DIAPH3: variants seen among roughly 807,000 people sequenced by gnomAD.
The protein encoded by DIAPH3 is protein diaphanous homolog 3.
Under a neutral mutation model 144.3 loss-of-function variants are expected in DIAPH3, and 117 were observed. The ratio of observed to expected loss-of-function variants is 0.81; its 90% CI spans 0.70 to 0.95. The LOEUF (loss-of-function observed/expected upper bound fraction) is 0.95. Ranked by LOEUF, DIAPH3 falls within the 40% of genes least tolerant of loss-of-function variation. The probability of loss-of-function intolerance (pLI) is 0.00; values close to 1 mark genes in which losing one functional copy is unlikely to be tolerated. For missense variants in DIAPH3, 1,421 were observed against 1,412.7 expected (o/e 1.01, Z -0.09); for synonymous variants, 519 against 488.9 (o/e 1.06, Z -0.81).
chr13:60,062,317 T>C lies in DIAPH3; in HGVS notation c.496-19497A>G, dbSNP rs191718487. Among the ~76,000 whole-genome samples the C allele has an allele frequency of 8.7e-4, 133 of 152,310 alleles. 1 individual carries two copies. The highest frequency in any genetic ancestry group is 1.6e-3 in the Non-Finnish European group (106 of 68,036). ...CTACATTTGCTGGACATCTATTATA[T>C]ACAAGCAGTGTTTTACATGTTAAAA... On this transcript the variant is annotated intron_variant, in intron 4 of 27. Transcript: ENST00000400324.
chr13:60,133,281 T>C (rs2059189338), intron 1 of DIAPH3, among the ~76,000 whole-genome samples: 1 of 152,066 alleles, frequency 6.6e-6, no homozygotes, highest in African/African-American at 2.4e-5. Context: ...TTAACAGTAT[T>C]AATTACCATT....
chr13:60,079,801 T>A (rs1406483544), intron 4 of DIAPH3, among the ~76,000 whole-genome samples: 1 of 152,020 alleles, frequency 6.6e-6, no homozygotes, highest in African/African-American at 2.4e-5. Flanking sequence ...TACCCAGTTT[T>A]ATTAACTTTT....
At chr13:60,022,944 G>T (rs1321477141) in intron 5 of DIAPH3, among the ~76,000 whole-genome samples, 1 of 151,986 alleles carries the variant, frequency 6.6e-6, no homozygotes, top group East Asian at 1.9e-4. Flanking sequence ...AAGGATTTTT[G>T]TATCTATACT....
intron 27 of DIAPH3, among the ~76,000 whole-genome samples, chr13:59,719,428 T>C (rs2035228359): frequency 6.6e-6 from 1 of 152,160 alleles, no homozygotes; most frequent in Admixed American, 6.5e-5. Context: ...GCTATGACAC[T>C]TAAAACTTAT....
At chr13:59,854,471 C>T (rs1340433144) in intron 22 of DIAPH3, among the ~76,000 whole-genome samples, 1 of 152,088 alleles carries the variant, frequency 6.6e-6, no homozygotes, top group African/African-American at 2.4e-5. Flanking sequence ...ATACCTCTTC[C>T]CCCAATTGGT....
rs775483452 is a variant in DIAPH3, at chr13:60,145,834, GTA to G, written c.181-12847_181-12846del. ...TCATTTATAGATTTTTAAAGCTGGG[GTA>G]TATACCACAAACCTTATAAACCATA... is the stretch of plus-strand genomic sequence containing the variant. On this transcript the variant is annotated intron_variant, in intron 1 of 27. Transcript: ENST00000400324. Among the ~76,000 whole-genome samples the G allele has an allele frequency of 5.9e-5, 9 of 151,866 alleles. No homozygotes were observed. The East Asian group carries it at 1.4e-3, about 23-fold the overall frequency.
intron 27 of DIAPH3, among the ~76,000 whole-genome samples, chr13:59,696,475 C>T (rs1163880852): frequency 2.0e-5 from 3 of 152,196 alleles, no homozygotes; most frequent in African/African-American, 7.2e-5. Flanking sequence ...CTATATAGTG[C>T]TATGCATCCC....
In DIAPH3 at chr13:60,105,125, A is replaced by AAAAAAAAAC. The variant is rs2058383698; in HGVS notation, c.390+6884_390+6885insGTTTTTTTT. Among the ~76,000 whole-genome samples, 113 of 148,606 alleles carry AAAAAAAAAC rather than the reference A, an allele frequency of 7.6e-4. 1 individual carries two copies. The highest frequency in any genetic ancestry group is 2.5e-3 in the African/African-American group (101 of 40,298). ...AAAAAAAAAAAAAAAAAAAAAAAAAACTGCCAGTGATGAAAAAGGATTTTC... is the reference window on the plus strand; with the variant it reads ...AAAAAAAAAAAAAAAAAAAAAAAAAAAAAAAAAACCTGCCAGTGATGAAAAAGGATTTTC... On this transcript the variant is annotated intron_variant, in intron 3 of 27. Transcript: ENST00000400324.
intron 25 of DIAPH3, among the ~76,000 whole-genome samples, chr13:59,799,781 T>C (rs575017332): frequency 6.6e-6 from 1 of 152,340 alleles, no homozygotes; most frequent in East Asian, 1.9e-4. Flanking sequence ...TTTTTGAACA[T>C]GGTTAATTTT....
chr13:59,976,461 G>GACT (rs138356078), intron 14 of DIAPH3, among the ~76,000 whole-genome samples: 10,650 of 152,004 alleles, frequency 0.07, 412 homozygotes, highest in Admixed American at 0.11. Flanking sequence ...TATGGCTGAT[G>GACT]ACTACCATGC....
At chr13:60,049,834 T>C (rs1298129058) in intron 4 of DIAPH3, among the ~76,000 whole-genome samples, 7 of 151,892 alleles carry the variant, frequency 4.6e-5, no homozygotes. Context: ...AGAGAGTGAG[T>C]GATAGGGGAA....
chr13:60,097,327 C>T (rs1376147958), intron 3 of DIAPH3, among the ~76,000 whole-genome samples: 1 of 152,240 alleles, frequency 6.6e-6, no homozygotes, highest in Admixed American at 6.5e-5. Flanking sequence ...AATGACCTTC[C>T]TGGGGTGGGG....
intron 5 of DIAPH3, among the ~76,000 whole-genome samples, chr13:60,023,704 G>T (rs1183182547): frequency 6.6e-6 from 1 of 151,988 alleles, no homozygotes; most frequent in Non-Finnish European, 1.5e-5. Context: ...AAAGTGCTGG[G>T]ATTACAGGCG....
At chr13:59,970,119 G>T in intron 16 of DIAPH3, 61 bp from the exon 17 acceptor site, 2 of 923,012 alleles carry the variant, frequency 2.2e-6, no homozygotes, top group Admixed American at 2.1e-5. Context: ...CCCAAGTCAA[G>T]CACTATGCAT....
chr13:60,157,324 G>T (rs1036524738), intron 1 of DIAPH3, among the ~76,000 whole-genome samples: 1 of 152,136 alleles, frequency 6.6e-6, no homozygotes, highest in Non-Finnish European at 1.5e-5. Context: ...ATGACCAGAA[G>T]ACTATGGCAA....
At chr13:60,160,880 A>G (rs755781001) in intron 1 of DIAPH3, among the ~76,000 whole-genome samples, 2 of 152,238 alleles carry the variant, frequency 1.3e-5, no homozygotes, top group African/African-American at 2.4e-5. Context: ...ATACTTATCT[A>G]TGGGAAGAGA....
intron 5 of DIAPH3, among the ~76,000 whole-genome samples, chr13:60,028,171 C>T (rs2054520344): frequency 6.6e-6 from 1 of 152,094 alleles, no homozygotes; most frequent in Non-Finnish European, 1.5e-5. Flanking sequence ...ATTCACTTGA[C>T]CTCAGATACC....
At chr13:59,861,190 A>C (rs1749933500) in intron 22 of DIAPH3, 5 of 1,422,596 alleles carry the variant, frequency 3.5e-6, no homozygotes, top group Non-Finnish European at 4.6e-6. Flanking sequence ...AAAGTATTTT[A>C]TAATATAAGG....
At chr13:60,128,998 G>T (rs1418542081) in intron 2 of DIAPH3, among the ~76,000 whole-genome samples, 5 of 152,116 alleles carry the variant, frequency 3.3e-5, no homozygotes, top group African/African-American at 1.2e-4. Context: ...AACCATTGCT[G>T]CAGGCCAAAC....
Sources: gnomAD v4.1 joint callset for allele counts (sites outside exome capture counted in the v4.1 genomes callset) on GRCh38, gnomAD v4.1.1 for gene constraint, MANE v1.5 for transcripts, NCBI Gene and HGNC (gene_info 2026-07-23, HGNC 2026-07-21) for gene names.